The following BRK1 variants were observed in gnomAD, a reference collection of about 807,000 sequenced individuals.
BRK1 encodes BRICK1 subunit of SCAR/WAVE actin nucleating complex, also known as protein BRICK1.
In BRK1, 6 loss-of-function variants were observed where a neutral mutation model predicts 9.9. The ratio of observed to expected loss-of-function variants is 0.60; its 90% CI spans 0.33 to 1.19. The LOEUF is 1.19. BRK1 is among the 50% of genes most tolerant of loss of function. BRK1 has a pLI of 0.04. For synonymous variants in BRK1, 44 were observed against 31.9 expected, an observed-to-expected ratio of 1.38 and a Z score of -1.28; for missense variants, 62 against 97.5, an observed-to-expected ratio of 0.64 and a Z score of 1.53.
chr3:10,125,588 AG>A (rs1553618117), intron 1 of BRK1, 37 bp from the exon 2 acceptor site: 1 of 1,294,038 alleles, frequency 7.7e-7, no homozygotes, highest in Non-Finnish European at 1.1e-6. Flanking sequence ...CTGTGTTTGG[AG>A]TGACATTAAT....
intron 1 of BRK1, among the ~76,000 whole-genome samples, chr3:10,120,909 C>T (rs532227439): frequency 7.9e-5 from 12 of 152,164 alleles, no homozygotes; most frequent in Non-Finnish European, 1.8e-4. Flanking sequence ...TGGGAAATGG[C>T]AGGTTGTCAG....
chr3:10,119,001 T>TTTTGTTTG (rs112147329), intron 1 of BRK1, among the ~76,000 whole-genome samples: 1 of 151,872 alleles, frequency 6.6e-6, no homozygotes, highest in South Asian at 2.1e-4. Flanking sequence ...TAATGGTTTT[T>TTTTGTTTG]TTTGTTTGTT....
intron 1 of BRK1, among the ~76,000 whole-genome samples, chr3:10,118,493 G>C (rs574121270): frequency 3.3e-5 from 5 of 151,684 alleles, no homozygotes; most frequent in African/African-American, 1.2e-4. Context: ...TTTACAGGTA[G>C]ATTTTTTTTT....
At chr3:10,116,092 G>A (rs565664771) in intron 1 of BRK1, among the ~76,000 whole-genome samples, 223 of 152,244 alleles carry the variant, frequency 1.5e-3, no homozygotes, top group African/African-American at 5.1e-3. Flanking sequence ...GCGTCAGGCA[G>A]CCCCATCCTC....
In BRK1 at chr3:10,118,109, T is replaced by C. The variant is rs1349276583; in HGVS notation, c.118+2290T>C. Among the ~76,000 whole-genome samples, 6 of 152,040 alleles carry C rather than the reference T, an allele frequency of 3.9e-5. No homozygotes were observed. The East Asian group carries it at 9.7e-4, about 25-fold the overall frequency. Reference sequence around the variant, plus strand: ...TCTCTACTAAAAATACAAAATTAGCTGGGCATGGTGTTGCACACCTGTAAT... The same window carrying C: ...TCTCTACTAAAAATACAAAATTAGCCGGGCATGGTGTTGCACACCTGTAAT... On this transcript the variant is annotated intron_variant, in intron 1 of 2. Coordinates refer to ENST00000530758, the MANE Select transcript of BRK1 (RefSeq NM_018462.5).
intron 1 of BRK1, among the ~76,000 whole-genome samples, chr3:10,117,982 A>G (rs926366740): frequency 7.2e-5 from 11 of 152,024 alleles, no homozygotes; most frequent in Admixed American, 1.3e-4. Context: ...AAAGATTGGC[A>G]TGGTGGCTCA....
intron 2 of BRK1, 63 bp downstream of exon 2, chr3:10,125,771 A>G (rs1390654161): frequency 4.1e-6 from 5 of 1,231,380 alleles, no homozygotes; most frequent in Admixed American, 2.1e-5. Context: ...GCTGAAAAAA[A>G]CCTGAAAGCA....
Position 10,124,626 on chromosome 3 carries a change from A to G in BRK1, c.119-1000A>G, listed in dbSNP as rs543778389. The stretch of plus-strand genomic sequence containing the variant: ...CTTGGCCTTCTGAAGTATTAGGATT[A>G]CAGGCATGAGTCACTGCTCCTGGCC... On this transcript the variant is annotated intron_variant, in intron 1 of 2. Coordinates refer to ENST00000530758, the MANE Select transcript of BRK1 (RefSeq NM_018462.5). 1.1e-4 allele frequency among the ~76,000 whole-genome samples: 16 copies of G among 152,302 alleles called. No individual in the cohort carries two copies. In the South Asian group the frequency reaches 2.9e-3, roughly 28 times the overall value.
At position 10,126,280 on chromosome 3, in the gene BRK1, T is replaced by C. The variant is rs1357905782; in HGVS notation, c.213T>C (p.Gly71=). 6.4e-7 allele frequency: 1 copy of C among 1,557,540 alleles called. No homozygotes were observed. Among genetic ancestry groups the C allele is most frequent in the Non-Finnish European group, 8.7e-7 (1 of 1,155,250 alleles). ...CTTTCCTTTCACAGGTGACAAAAGG[T>C]GAGACACTCACCTAGAACAGTGCCG... The part of the protein sequence containing the change: ...IEYIEARVTK[G]ETLT The change falls in exon 3 of 3, where the codon GGT becomes GGC. Residue 71 remains glycine (G), a synonymous_variant. Coordinates refer to ENST00000530758, the MANE Select transcript of BRK1 (RefSeq NM_018462.5).
chr3:10,121,225 G>C (rs572297722), intron 1 of BRK1, among the ~76,000 whole-genome samples: 1 of 152,224 alleles, frequency 6.6e-6, no homozygotes, highest in South Asian at 2.1e-4. Flanking sequence ...GTATCTTTTG[G>C]GGATGATGAA....
intron 1 of BRK1, among the ~76,000 whole-genome samples, chr3:10,125,191 C>T (rs553595897): frequency 9.4e-5 from 10 of 106,882 alleles, no homozygotes; most frequent in African/African-American, 1.4e-4. Flanking sequence ...CAACCTTTGC[C>T]CCCCCCGGTT....
intron 1 of BRK1, among the ~76,000 whole-genome samples, chr3:10,124,349 A>T (rs1695806606): frequency 6.6e-6 from 1 of 151,838 alleles, no homozygotes; most frequent in South Asian, 2.1e-4. Context: ...AGTCCCAGCT[A>T]CCTAGGAGGC....
At chr3:10,116,962 G>C (rs1337539785) in intron 1 of BRK1, among the ~76,000 whole-genome samples, 2 of 152,164 alleles carry the variant, frequency 1.3e-5, no homozygotes, top group African/African-American at 2.4e-5. Flanking sequence ...TATAATCGTG[G>C]CTGAGTTCAA....
rs772839104 is a variant in BRK1 at position 10,125,623 on chromosome 3, C to T, written c.119-3C>T. On this transcript the variant is annotated splice_polypyrimidine_tract_variant and splice_region_variant and intron_variant, in intron 1 of 2. Transcript: ENST00000530758. Reference sequence around the variant, plus strand: ...ATCCTGAACACCAGTCTCTTTTTCTCAGATATGTCTTGTCGTTCAAGACTT... The same window carrying T: ...ATCCTGAACACCAGTCTCTTTTTCTTAGATATGTCTTGTCGTTCAAGACTT... 1.2e-6 allele frequency: 2 copies of T among 1,603,030 alleles called. No homozygotes were observed. Among genetic ancestry groups the T allele is most frequent in the Non-Finnish European group, 1.7e-6 (2 of 1,172,868 alleles).
At position 10,121,797 on chromosome 3, in the gene BRK1, A is replaced by G. The variant is rs13323365; in HGVS notation, c.119-3829A>G. On this transcript the variant is annotated intron_variant, in intron 1 of 2. Transcript: ENST00000530758. ...GTCCAGGCTGGAGTGCAATGGTGCAATCTCGGCTCACTGCCTCAGGTGATC... is the reference window on the plus strand; with the variant it reads ...GTCCAGGCTGGAGTGCAATGGTGCAGTCTCGGCTCACTGCCTCAGGTGATC... Among the ~76,000 whole-genome samples the G allele has an allele frequency of 4.5e-3, 671 of 150,674 alleles. 1 individual carries two copies. Among genetic ancestry groups the G allele is most frequent in the African/African-American group, 0.015 (626 of 40,822 alleles).
intron 1 of BRK1, among the ~76,000 whole-genome samples, chr3:10,121,766 CTT>C (rs1485306341): frequency 6.7e-6 from 1 of 149,380 alleles, no homozygotes; most frequent in Non-Finnish European, 1.5e-5. Context: ...GAGTTTCACT[CTT>C]GTTGTCCAGG....
At position 10,127,056 on chromosome 3, in the gene BRK1, C is replaced by T. The variant is rs1480705062; in HGVS notation, c.*761C>T. 6.6e-6 allele frequency: 1 copy of T among 152,524 alleles called. No individual in the cohort carries two copies. Among genetic ancestry groups the T allele is most frequent in the Non-Finnish European group, 1.5e-5 (1 of 68,034 alleles). The allele number at this position is 152,524 out of a possible 1,614,324, so 9.4% of individuals were successfully genotyped here. A position where few individuals can be genotyped will look rare whatever the true frequency, so the allele number is the denominator to read the frequency against. On this transcript the variant is annotated 3_prime_UTR_variant, in exon 3 of 3. Transcript: ENST00000530758. ...TTTGATTCAAAGCCTAGGTGGCTTA[C>T]CAGCCCAAGTCCCCATGTTTGGACT...
intron 1 of BRK1, among the ~76,000 whole-genome samples, chr3:10,117,903 A>AATTATAATGCAGG (rs1695707926): frequency 6.6e-6 from 1 of 152,200 alleles, no homozygotes; most frequent in Non-Finnish European, 1.5e-5. Context: ...GTAAGAAGAG[A>AATTATAATGCAGG]ATTATAATGC....
At chr3:10,125,754 A>G (rs1313048281) in intron 2 of BRK1, 46 bp downstream of exon 2, 1 of 1,377,272 alleles carries the variant, frequency 7.3e-7, no homozygotes, top group South Asian at 1.2e-5. Flanking sequence ...GCACATTTCC[A>G]CTTATTGCTG....
Sources: allele counts gnomAD v4.1 joint callset (sites outside exome capture counted in the v4.1 genomes callset), GRCh38; gene constraint gnomAD v4.1.1; transcripts MANE v1.5; gene names NCBI Gene and HGNC (gene_info 2026-07-23, HGNC 2026-07-21).